Variants in GALNS observed in about 807,000 individuals in gnomAD.
GALNS encodes galactosamine (N-acetyl)-6-sulfatase, also known as N-acetylgalactosamine-6-sulfatase.
Under a neutral mutation model 65.9 loss-of-function variants are expected in GALNS, and 65 were observed. The observed-to-expected ratio is 0.99, with a 90% CI of 0.81 to 1.21. The LOEUF (loss-of-function observed/expected upper bound fraction) is 1.21. Ranked by LOEUF, GALNS falls within the 50% of genes most tolerant of loss-of-function variation. GALNS has a pLI of 0.00. For synonymous variants in GALNS, 346 were observed against 288.9 expected, an observed-to-expected ratio of 1.20 and a Z score of -2.00; for missense variants, 776 against 700.7, an observed-to-expected ratio of 1.11 and a Z score of -1.21.
intron 1 of GALNS, among the ~76,000 whole-genome samples, chr16:88,850,217 C>T (rs143368959): frequency 1.5e-3 from 224 of 152,298 alleles, no homozygotes; most frequent in Non-Finnish European, 2.3e-3. Flanking sequence ...TGCCCATGCC[C>T]AGGACCACTG....
intron 1 of GALNS, chr16:88,856,102 A>G: frequency 1.4e-6 from 1 of 693,218 alleles, no homozygotes; most frequent in Non-Finnish European, 2.6e-6. Context: ...TCCCACAAGG[A>G]GTTAGGGAAG....
In GALNS at chr16:88,824,763, G is replaced by T. The variant is rs570207991; in HGVS notation, c.1242+4C>A. The stretch of plus-strand genomic sequence containing the variant: ...CGCCTGCGCCCACGTCCCGAGCCCT[G>T]TACCTGTCTGAAGTTCTCCCAGGAG... On this transcript the variant is annotated splice_donor_region_variant and intron_variant, in intron 11 of 13. Transcript: ENST00000268695. 6.2e-7 allele frequency: 1 copy of T among 1,612,600 alleles called. No individual in the cohort carries two copies. Among genetic ancestry groups the T allele is most frequent in the African/African-American group, 1.3e-5 (1 of 75,042 alleles).
intron 12 of GALNS, among the ~76,000 whole-genome samples, chr16:88,819,299 T>C (rs551927003): frequency 3.0e-4 from 46 of 152,086 alleles, no homozygotes; most frequent in African/African-American, 1.0e-3. Context: ...GCTGGGGTCC[T>C]TCAGGGCTCC....
intron 13 of GALNS, 151 bp from the exon 14 acceptor site, chr16:88,814,676 C>T (rs781352631): frequency 1.1e-4 from 142 of 1,272,302 alleles, no homozygotes; most frequent in Non-Finnish European, 1.1e-4. Context: ...TCACTGCAAC[C>T]TCTGCCTTCC....
intron 4 of GALNS, 196 bp downstream of exon 4, chr16:88,840,796 T>A: frequency 1.6e-6 from 1 of 625,608 alleles, no homozygotes. Context: ...ACCAGCCTGG[T>A]GACCTGAGAT....
chr16:88,827,121 G>A (rs570330845), intron 9 of GALNS: 2 of 553,738 alleles, frequency 3.6e-6, no homozygotes, highest in Admixed American at 3.1e-5. Context: ...AGCCCTCCCA[G>A]GGAGATGCCC....
intron 4 of GALNS, 49 bp downstream of exon 4, chr16:88,840,943 G>A: frequency 7.0e-7 from 1 of 1,435,022 alleles, no homozygotes; most frequent in Non-Finnish European, 9.8e-7. Context: ...ACCAAGGCCA[G>A]GAAGTGGATG....
At chr16:88,835,450 T>A in intron 7 of GALNS, 98 bp from the exon 8 acceptor site, 1 of 1,495,560 alleles carries the variant, frequency 6.7e-7, no homozygotes, top group Admixed American at 1.8e-5. Context: ...GTTCATTAAA[T>A]CATAACTTCA....
At chr16:88,825,049 G>A (rs1432375767) in intron 10 of GALNS, among the ~76,000 whole-genome samples, 180 bp from the exon 11 acceptor site, 1 of 151,544 alleles carries the variant, frequency 6.6e-6, no homozygotes, top group African/African-American at 2.4e-5. Context: ...GGGGTGCCTG[G>A]GCGGCCGGGG....
chr16:88,831,912 G>GAGGAGAGC, intron 9 of GALNS, 86 bp downstream of exon 9: 1 of 1,118,822 alleles, frequency 8.9e-7, no homozygotes. Context: ...GGTGCATGGG[G>GAGGAGAGC]GAGGTGGCCA....
At chr16:88,842,360 CAGGG>C (rs946757954) in intron 2 of GALNS, 9 of 512,368 alleles carry the variant, frequency 1.8e-5, no homozygotes, top group East Asian at 3.6e-5. Flanking sequence ...AGACTCTCCC[CAGGG>C]AGGGAGGGAG....
chr16:88,840,949 G>A, intron 4 of GALNS, 43 bp downstream of exon 4: 1 of 1,472,630 alleles, frequency 6.8e-7, no homozygotes. Flanking sequence ...GCCAGGAAGT[G>A]GATGGAGCAG....
chr16:88,825,447 C>T (rs1597543753), intron 10 of GALNS, among the ~76,000 whole-genome samples: 1 of 126,956 alleles, frequency 7.9e-6, no homozygotes, highest in South Asian at 2.5e-4. Context: ...GGCTGGAGTG[C>T]CTGGGCGGCC....
chr16:88,843,435 C>T (rs1967083325), intron 1 of GALNS: 3 of 352,882 alleles, frequency 8.5e-6, no homozygotes, highest in Non-Finnish European at 1.7e-5. Context: ...CCCTGAGCGC[C>T]CATCGGCAGA....
chr16:88,824,025 T>A (rs1910539364), intron 11 of GALNS, among the ~76,000 whole-genome samples: 1 of 152,164 alleles, frequency 6.6e-6, no homozygotes, highest in Non-Finnish European at 1.5e-5. Flanking sequence ...CTCCTCAGCC[T>A]GGGTGCTCAG....
intron 12 of GALNS, among the ~76,000 whole-genome samples, chr16:88,820,730 G>A (rs902743390): frequency 4.6e-5 from 7 of 152,234 alleles, no homozygotes; most frequent in Admixed American, 3.9e-4. Flanking sequence ...CGCAACAGGC[G>A]GGGAGCAGTG....
intron 1 of GALNS, among the ~76,000 whole-genome samples, chr16:88,854,674 T>C (rs775033998): frequency 1.4e-4 from 21 of 152,160 alleles, no homozygotes; most frequent in Non-Finnish European, 2.9e-4. Context: ...AGGGGTGACT[T>C]GGAGTCACCT....
intron 1 of GALNS, chr16:88,856,277 C>T (rs1226040603): frequency 4.3e-6 from 3 of 702,924 alleles, no homozygotes; most frequent in Non-Finnish European, 7.8e-6. Context: ...GGGGACCCGG[C>T]GGCCCGAGGT....
chr16:88,826,095 G>A (rs905397005), intron 10 of GALNS, among the ~76,000 whole-genome samples: 2 of 151,980 alleles, frequency 1.3e-5, no homozygotes, highest in African/African-American at 4.8e-5. Context: ...GGAAGCTACA[G>A]GAAGCCATGA....
Sources: allele counts gnomAD v4.1 joint callset (sites outside exome capture counted in the v4.1 genomes callset), GRCh38; gene constraint gnomAD v4.1.1; transcripts MANE v1.5; gene names NCBI Gene and HGNC (gene_info 2026-07-23, HGNC 2026-07-21).